Variants in SLCO1B1 observed in about 807,000 individuals in gnomAD.
SLCO1B1 encodes the protein OATP-2.
Under a neutral mutation model 70.1 loss-of-function variants are expected in SLCO1B1, and 81 were observed. The observed-to-expected ratio is 1.16, with a 90% confidence interval of 0.97 to 1.39. SLCO1B1 has a LOEUF of 1.39. Ranked by LOEUF, SLCO1B1 falls within the 40% of genes most tolerant of loss-of-function variation. The pLI is 0.00. For synonymous variants in SLCO1B1, 283 were observed against 271.5 expected (o/e 1.04, Z -0.42); for missense variants, 895 against 799.6 (o/e 1.12, Z -1.44).
Position 21,237,012 on chromosome 12 carries a change from T to A in SLCO1B1, c.1866-1967T>A, listed in dbSNP as rs962754253. ...CTTTTAATTGGTGGATTTAGATCAT[T>A]GACATTAAAAGTGACTACTGATGTT... On this transcript the variant is annotated intron_variant, in intron 14 of 14. Transcript: ENST00000256958. Among the ~76,000 whole-genome samples the A allele has an allele frequency of 1.2e-4, 18 of 152,172 alleles. 1 individual carries two copies. The highest frequency in any genetic ancestry group is 4.3e-4 in the African/African-American group (18 of 41,446).
intron 3 of SLCO1B1, among the ~76,000 whole-genome samples, chr12:21,173,833 T>G (rs1940786252): frequency 6.8e-6 from 1 of 146,108 alleles, no homozygotes; most frequent in Non-Finnish European, 1.5e-5. Context: ...AGTGCAGTGG[T>G]GCGATCTCCC....
chr12:21,145,848 A>G (rs893208281), intron 2 of SLCO1B1, among the ~76,000 whole-genome samples: 1 of 152,068 alleles, frequency 6.6e-6, no homozygotes, highest in African/African-American at 2.4e-5. Context: ...TGCTGGTTAC[A>G]TTTGCCTATT....
rs55737008 is a variant in SLCO1B1, at chr12:21,239,113, A to G, written c.2000A>G (p.Glu667Gly). 1 of 1,612,702 alleles carries G rather than the reference A, an allele frequency of 6.2e-7. No homozygotes were observed. Among genetic ancestry groups the G allele is most frequent in the Admixed American group, 1.7e-5 (1 of 59,954 alleles). ...NASENGSVMD[E>G]ANLESLNKNK... ...TCAGAAAATGGAAGTGTCATGGATG[A>G]AGCAAACTTAGAATCCTTAAATAAA... Residue 667 changes from glutamate to glycine, a missense_variant, in exon 15 of 15, where the codon GAA becomes GGA. Coordinates refer to ENST00000256958, the MANE Select transcript of SLCO1B1 (RefSeq NM_006446.5).
At chr12:21,140,437 T>G (rs1297419176) in intron 1 of SLCO1B1, among the ~76,000 whole-genome samples, 4 of 152,092 alleles carry the variant, frequency 2.6e-5, no homozygotes, top group Non-Finnish European at 5.9e-5. Flanking sequence ...ATTTTACTAG[T>G]CTTTAAAGTA....
chr12:21,223,229 A>G (rs978517780), intron 13 of SLCO1B1, among the ~76,000 whole-genome samples: 2 of 152,152 alleles, frequency 1.3e-5, no homozygotes, highest in African/African-American at 4.8e-5. Flanking sequence ...TGAGTATCCT[A>G]TTTCGATGTA....
At chr12:21,215,399 T>A (rs1941345816) in intron 11 of SLCO1B1, among the ~76,000 whole-genome samples, 1 of 152,216 alleles carries the variant, frequency 6.6e-6, no homozygotes, top group African/African-American at 2.4e-5. Flanking sequence ...GGATGGTGGA[T>A]TTTATTGAAA....
In SLCO1B1 at chr12:21,217,439, A is replaced by G. The variant is rs554486815; in HGVS notation, c.1682+136A>G. The G allele has an allele frequency of 7.7e-6, 6 of 778,164 alleles. 1 individual carries two copies. The South Asian group carries it at 8.1e-5, about 11-fold the overall frequency. 48.2% of individuals were successfully genotyped at this position (778,164 alleles called of 1,614,324 possible). A position where few individuals can be genotyped will look rare whatever the true frequency, so the allele number is the denominator to read the frequency against. ...TTTTAATTTTCTGAGAATTCATTTT[A>G]TTAAAATTACTATGAACTCTCAAGG... On this transcript the variant is annotated intron_variant, in intron 12 of 14. Transcript: ENST00000256958.
At chr12:21,136,583 G>C (rs146454227) in intron 1 of SLCO1B1, among the ~76,000 whole-genome samples, 1 of 151,436 alleles carries the variant, frequency 6.6e-6, no homozygotes, top group South Asian at 2.1e-4. Flanking sequence ...CATTCATTTC[G>C]TCTTCCATCA....
At chr12:21,138,400 T>C (rs575051214) in intron 1 of SLCO1B1, among the ~76,000 whole-genome samples, 2 of 152,358 alleles carry the variant, frequency 1.3e-5, no homozygotes, top group South Asian at 2.1e-4. Context: ...AATTCATTTA[T>C]GTAAATCATT....
At chr12:21,171,794 T>C (rs576846784) in intron 2 of SLCO1B1, among the ~76,000 whole-genome samples, 2 of 152,176 alleles carry the variant, frequency 1.3e-5, no homozygotes, top group South Asian at 4.1e-4. Context: ...TATTCCTGGT[T>C]TCCAGAAGGC....
rs528104821 is a variant in SLCO1B1, at chr12:21,232,691, C to G, written c.1866-6288C>G. Among the ~76,000 whole-genome samples, 150 of 143,294 alleles carry G rather than the reference C, an allele frequency of 1.0e-3. 1 individual carries two copies. Among genetic ancestry groups the G allele is most frequent in the Non-Finnish European group, 1.3e-3 (87 of 65,206 alleles). 94.0% of individuals were successfully genotyped at this position (143,294 alleles called of 152,430 possible). A position where few individuals can be genotyped will look rare whatever the true frequency, so the allele number is the denominator to read the frequency against. On this transcript the variant is annotated intron_variant, in intron 14 of 14. Coordinates refer to ENST00000256958, the MANE Select transcript of SLCO1B1 (RefSeq NM_006446.5). ...TTCTATTAATCAGACCACACACACA[C>G]AGAGAGAGAGAGAGAGAGACAGAAA...
At chr12:21,198,954 C>G (rs1941126335) in intron 8 of SLCO1B1, among the ~76,000 whole-genome samples, 1 of 152,094 alleles carries the variant, frequency 6.6e-6, no homozygotes, top group South Asian at 2.1e-4. Context: ...AGAAAGGCCA[C>G]AACTCACTTA....
chr12:21,208,509 C>G (rs929265139), intron 11 of SLCO1B1, among the ~76,000 whole-genome samples: 1 of 152,050 alleles, frequency 6.6e-6, no homozygotes, highest in East Asian at 1.9e-4. Flanking sequence ...TGAACCAGTA[C>G]TATGCTGTTT....
chr12:21,192,088 T>C (rs1229006376), intron 7 of SLCO1B1, among the ~76,000 whole-genome samples: 3 of 152,014 alleles, frequency 2.0e-5, no homozygotes, highest in Non-Finnish European at 4.4e-5. Context: ...TTTTGGTGTC[T>C]TTGTCTGGCT....
At chr12:21,207,508 A>C (rs1941228020) in intron 11 of SLCO1B1, among the ~76,000 whole-genome samples, 1 of 151,952 alleles carries the variant, frequency 6.6e-6, no homozygotes, top group African/African-American at 2.4e-5. Context: ...CATTGTCTAT[A>C]TGTACCACAT....
Position 21,131,442 on chromosome 12 carries a change from G to A in SLCO1B1, c.-62+206G>A, listed in dbSNP as rs549546050. 5.3e-5 allele frequency among the ~76,000 whole-genome samples: 8 copies of A among 152,054 alleles called. No individual in the cohort carries two copies. The South Asian group carries it at 1.0e-3, about 20-fold the overall frequency. On this transcript the variant is annotated intron_variant, in intron 1 of 14. Coordinates refer to ENST00000256958, the MANE Select transcript of SLCO1B1 (RefSeq NM_006446.5). ...TTTATATACTGTTAAAAATAAAGTA[G>A]AGAAAATAATACCTTTATATATTTA...
At chr12:21,145,923 C>G (rs1483949017) in intron 2 of SLCO1B1, among the ~76,000 whole-genome samples, 1 of 151,698 alleles carries the variant, frequency 6.6e-6, no homozygotes, top group Admixed American at 6.6e-5. Context: ...CTTGTAATAT[C>G]TTTGTGTGGT....
intron 10 of SLCO1B1, among the ~76,000 whole-genome samples, chr12:21,204,617 G>A (rs944475333): frequency 6.6e-6 from 1 of 151,662 alleles, no homozygotes; most frequent in Non-Finnish European, 1.5e-5. Flanking sequence ...TATAAACACA[G>A]ATGTGACTGA....
chr12:21,164,988 G>A (rs4149034), intron 2 of SLCO1B1: 137,748 of 366,198 alleles, frequency 0.38, 28,134 homozygotes, highest in African/African-American at 0.63. Context: ...CTGTTCCTCT[G>A]TACCTGCCTC....
Sources: gnomAD v4.1 joint callset for allele counts (sites outside exome capture counted in the v4.1 genomes callset) on GRCh38, gnomAD v4.1.1 for gene constraint, MANE v1.5 for transcripts, NCBI Gene and HGNC (gene_info 2026-07-23, HGNC 2026-07-21) for gene names.